The following JAKMIP3 variants were observed in gnomAD, a reference collection of about 807,000 sequenced individuals.
The protein encoded by JAKMIP3 is janus kinase and microtubule-interacting protein 3.
JAKMIP3 carries 58 observed loss-of-function variants against 118.5 expected under a neutral mutation model. The observed-to-expected ratio is 0.49, with a 90% CI of 0.40 to 0.61. The LOEUF is 0.61. JAKMIP3 is among the 20% of genes least tolerant of loss of function. The pLI, the probability that JAKMIP3 is intolerant of heterozygous loss-of-function variation, is 0.00. For synonymous variants in JAKMIP3, 486 were observed against 451.2 expected (o/e 1.08, Z -0.98); for missense variants, 950 against 1,109.0 (o/e 0.86, Z 2.04).
intron 5 of JAKMIP3, among the ~76,000 whole-genome samples, chr10:132,135,402 G>A (rs1176787986): frequency 1.3e-5 from 2 of 152,216 alleles, no homozygotes; most frequent in Non-Finnish European, 1.5e-5. Context: ...GGCAGAAGCC[G>A]CCTCTGTTCT....
intron 1 of JAKMIP3, among the ~76,000 whole-genome samples, chr10:132,085,922 G>A (rs1416323030): frequency 6.6e-6 from 1 of 151,962 alleles, no homozygotes; most frequent in East Asian, 1.9e-4. Context: ...GTTTGGGTTT[G>A]GTTTGTTCTT....
intron 1 of JAKMIP3, among the ~76,000 whole-genome samples, chr10:132,070,391 G>A (rs959598828): frequency 2.0e-5 from 3 of 152,144 alleles, no homozygotes; most frequent in South Asian, 2.1e-4. Flanking sequence ...CAGGTGATCC[G>A]CCTGCCTCAG....
chr10:132,139,252 G>A (rs111210359), intron 9 of JAKMIP3, among the ~76,000 whole-genome samples: 13,838 of 127,604 alleles, frequency 0.11, 1,314 homozygotes, highest in East Asian at 0.28. Context: ...GTGTGTGTAT[G>A]TGTGTGTGTG....
At chr10:132,173,139 CCTCCTTCCCTCTCTCTCTCTCTCTCTCT>C (rs2059764328) in intron 23 of JAKMIP3, among the ~76,000 whole-genome samples, 5 of 1,228 alleles carry the variant, frequency 4.1e-3, no homozygotes, top group Non-Finnish European at 9.9e-3. Flanking sequence ...TCTCTCTCCC[CCTCCTTCCCTCTCTCTCTCTCTCTCTCT>C]CTCCCCCTCC....
chr10:132,140,615 G>A (rs769911129), intron 10 of JAKMIP3, 36 bp downstream of exon 10: 2 of 1,046,666 alleles, frequency 1.9e-6, no homozygotes, highest in Admixed American at 3.1e-5. Context: ...TGGGCTTGGA[G>A]GAGGTAACGA....
At chr10:132,116,045 C>T (rs1291057738) in intron 2 of JAKMIP3, among the ~76,000 whole-genome samples, 1 of 152,260 alleles carries the variant, frequency 6.6e-6, no homozygotes, top group Admixed American at 6.5e-5. Flanking sequence ...AGGACCCCCA[C>T]AGCGTGTCCT....
intron 3 of JAKMIP3, among the ~76,000 whole-genome samples, chr10:132,132,316 G>C (rs1329318118): frequency 6.6e-6 from 1 of 152,116 alleles, no homozygotes; most frequent in South Asian, 2.1e-4. Context: ...TTCAAACTGA[G>C]TTGTTCATCC....
At chr10:132,155,216 G>T (rs9419383) in intron 19 of JAKMIP3, among the ~76,000 whole-genome samples, 27,408 of 150,838 alleles carry the variant, frequency 0.18, 4,892 homozygotes, top group East Asian at 0.54. Flanking sequence ...AGTGATCAAT[G>T]ATGATGGTGA....
chr10:132,116,078 T>C (rs1589849057), intron 2 of JAKMIP3, among the ~76,000 whole-genome samples: 1 of 152,380 alleles, frequency 6.6e-6, no homozygotes, highest in East Asian at 1.9e-4. Context: ...GACAGGCCCT[T>C]GCTGGGCTAT....
At chr10:132,151,806 C>T (rs1031017281) in intron 16 of JAKMIP3, among the ~76,000 whole-genome samples, 4 of 152,158 alleles carry the variant, frequency 2.6e-5, no homozygotes, top group African/African-American at 9.7e-5. Context: ...GCCATTGTCA[C>T]AGAGCCCAGG....
chr10:132,039,840 C>T (rs965904518), intron 1 of JAKMIP3, among the ~76,000 whole-genome samples: 17 of 152,390 alleles, frequency 1.1e-4, no homozygotes, highest in Admixed American at 3.3e-4. Flanking sequence ...CCACGCCTCA[C>T]GTGCTGGGGC....
chr10:132,175,396 C>T (rs1294701238), intron 23 of JAKMIP3, among the ~76,000 whole-genome samples: 2 of 152,078 alleles, frequency 1.3e-5, no homozygotes, highest in Admixed American at 1.3e-4. Context: ...TATTAAAGTC[C>T]CTTCTGCTTG....
intron 1 of JAKMIP3, among the ~76,000 whole-genome samples, chr10:132,076,456 C>T (rs1349666539): frequency 6.6e-6 from 1 of 152,400 alleles, no homozygotes; most frequent in South Asian, 2.1e-4. Flanking sequence ...TTGTGAGTCA[C>T]GTTGCCGTGA....
At chr10:132,146,215 T>C (rs768317128) in intron 13 of JAKMIP3, among the ~76,000 whole-genome samples, 7 of 142,604 alleles carry the variant, frequency 4.9e-5, no homozygotes, top group Non-Finnish European at 9.0e-5. Flanking sequence ...GAACATGCGA[T>C]GTGTGGCCAG....
rs1171142329 is a variant in JAKMIP3, at chr10:132,167,862, C to T, written c.*23-91C>T. ...CCCTCGCCCCTCGCCCCTCACCCCTCGGCCCTCGCCCCTCGCCCCTCGGCC... is the reference window on the plus strand; with the variant it reads ...CCCTCGCCCCTCGCCCCTCACCCCTTGGCCCTCGCCCCTCGCCCCTCGGCC... On this transcript the variant is annotated intron_variant, in intron 22 of 23. Coordinates refer to ENST00000684848, the MANE Select transcript of JAKMIP3 (RefSeq NM_001323087.2). The T allele has an allele frequency of 5.2e-5, 50 of 968,232 alleles. 2 individuals carry two copies. Among genetic ancestry groups the T allele is most frequent in the Non-Finnish European group, 6.5e-5 (46 of 710,080 alleles). 60.0% of individuals were successfully genotyped at this position (968,232 alleles called of 1,614,324 possible). A position where few individuals can be genotyped will look rare whatever the true frequency, so the allele number is the denominator to read the frequency against.
In JAKMIP3 at chr10:132,148,222, C is replaced by T. The variant is rs573474989; in HGVS notation, c.1848+172C>T. Among the ~76,000 whole-genome samples the T allele has an allele frequency of 3.3e-5, 5 of 152,300 alleles. No homozygotes were observed. The East Asian group carries it at 9.7e-4, about 29-fold the overall frequency. ...GCCGTAAACCGCCACCTCTTCATACCGGCCGTCCAAACATCCAATGGGGAA... is the reference window on the plus strand; with the variant it reads ...GCCGTAAACCGCCACCTCTTCATACTGGCCGTCCAAACATCCAATGGGGAA... On this transcript the variant is annotated intron_variant, in intron 14 of 23. Coordinates refer to ENST00000684848, the MANE Select transcript of JAKMIP3 (RefSeq NM_001323087.2).
chr10:132,085,713 C>G (rs1276112185), intron 1 of JAKMIP3, among the ~76,000 whole-genome samples: 1 of 152,154 alleles, frequency 6.6e-6, no homozygotes, highest in Non-Finnish European at 1.5e-5. Flanking sequence ...ATTGGCCAGG[C>G]TGGTCTCGAA....
intron 1 of JAKMIP3, among the ~76,000 whole-genome samples, chr10:132,085,268 G>A (rs2042244911): frequency 6.6e-6 from 1 of 152,164 alleles, no homozygotes; most frequent in African/African-American, 2.4e-5. Context: ...TCTGTTCAGA[G>A]TATCTGGTTC....
In JAKMIP3 at chr10:132,117,213, G is replaced by A. The variant is rs753880520; in HGVS notation, c.272G>A (p.Arg91His). ...AAGATGAAGGAGCTACAGGCTGTGC[G>A]TGAGACGCTGCTGCGGCAGCATGAG... Reference protein sequence around the residue: ...EEKMKELQAVRETLLRQHEAE... With the variant: ...EEKMKELQAVHETLLRQHEAE... Residue 91 changes from arginine (R) to histidine (H), a missense_variant, in exon 3 of 24, where the codon CGT becomes CAT. Arg to His is a conservative substitution (Grantham distance 29, BLOSUM62 0). Coordinates refer to ENST00000684848, the MANE Select transcript of JAKMIP3 (RefSeq NM_001323087.2). This position sits in a 1 kb window ranked among gnomAD's most constrained non-coding sequence, Gnocchi z 8.6. 1.5e-5 allele frequency: 25 copies of A among 1,613,890 alleles called. No homozygotes were observed. Among genetic ancestry groups the A allele is most frequent in the South Asian group, 5.5e-5 (5 of 91,094 alleles).
Sources: gnomAD v4.1 joint callset for allele counts (sites outside exome capture counted in the v4.1 genomes callset) on GRCh38, gnomAD v4.1.1 for gene constraint, Gnocchi (gnomAD v3.1) non-coding constraint, MANE v1.5 for transcripts, NCBI Gene and HGNC (gene_info 2026-07-23, HGNC 2026-07-21) for gene names.